Variants in ZFP14 observed in about 807,000 individuals in gnomAD.
ZFP14 encodes ZFP14 zinc finger protein.
Under a neutral mutation model 54.5 loss-of-function variants are expected in ZFP14, and 22 were observed. The ratio of observed to expected loss-of-function variants is 0.40; its 90% confidence interval spans 0.29 to 0.58. The LOEUF is 0.58. ZFP14 is among the 20% of genes least tolerant of loss of function. ZFP14 has a pLI of 0.39. For synonymous variants in ZFP14, 159 were observed against 204.0 expected (o/e 0.78, Z 1.88); for missense variants, 470 against 637.8 (o/e 0.74, Z 2.83).
At chr19:36,375,843 C>T (rs1264333287) in intron 1 of ZFP14, among the ~76,000 whole-genome samples, 1 of 151,952 alleles carries the variant, frequency 6.6e-6, no homozygotes, top group African/African-American at 2.4e-5. Context: ...AGGCGTGAGC[C>T]ACCGCGCCCC....
chr19:36,347,551 A>G (rs560695272), intron 4 of ZFP14, among the ~76,000 whole-genome samples: 1 of 151,634 alleles, frequency 6.6e-6, no homozygotes, highest in African/African-American at 2.4e-5. Context: ...AGAGGTTGCA[A>G]TGAGCCGAGA....
intron 2 of ZFP14, among the ~76,000 whole-genome samples, chr19:36,366,664 G>A (rs1600082737): frequency 6.6e-6 from 1 of 152,104 alleles, no homozygotes. Context: ...TATAGTGTTC[G>A]ACATCAAGAC....
In ZFP14 at chr19:36,377,898, A is replaced by C. The variant is rs141727828; in HGVS notation, c.-80+1265T>G. On this transcript the variant is annotated intron_variant, in intron 1 of 4. Transcript: ENST00000270001. ...ACAAACCTACTGGAAAGGGGTAGGA[A>C]TTGGAATCTACCTTCATCACCCCAT... The C allele has an allele frequency of 2.0e-5, 3 of 152,434 alleles. No homozygotes were observed. In the East Asian group the frequency reaches 5.8e-4, roughly 29 times the overall value. The allele number at this position is 152,434 out of a possible 1,614,324, so 9.4% of individuals were successfully genotyped here. A position where few individuals can be genotyped will look rare whatever the true frequency, so the allele number is the denominator to read the frequency against.
intron 1 of ZFP14, among the ~76,000 whole-genome samples, chr19:36,373,459 T>C (rs1265239322): frequency 6.6e-6 from 1 of 152,014 alleles, no homozygotes; most frequent in Non-Finnish European, 1.5e-5. Flanking sequence ...GAGGAATAAG[T>C]TCAAGAGATC....
chr19:36,376,172 A>G (rs924254966), intron 1 of ZFP14, among the ~76,000 whole-genome samples: 4 of 152,210 alleles, frequency 2.6e-5, no homozygotes, highest in Non-Finnish European at 5.9e-5. Flanking sequence ...AAGATACTAC[A>G]TATAAGGCAC....
chr19:36,365,169 C>G (rs1366183711), intron 2 of ZFP14, among the ~76,000 whole-genome samples: 1 of 151,828 alleles, frequency 6.6e-6, no homozygotes, highest in Non-Finnish European at 1.5e-5. Context: ...CACACGGCCT[C>G]CCATTATGTG....
In ZFP14 at chr19:36,338,795, G is replaced by T. The variant is rs1287854724; in HGVS notation, c.*1429C>A. ...GATATGGCATTTTGAGCATCCAAAAGTATACTGACTTATAGAATGATGTTT... is the reference window on the plus strand; with the variant it reads ...GATATGGCATTTTGAGCATCCAAAATTATACTGACTTATAGAATGATGTTT... On this transcript the variant is annotated 3_prime_UTR_variant, in exon 5 of 5. Transcript: ENST00000270001. 1.3e-5 allele frequency: 2 copies of T among 152,164 alleles called. No homozygotes were observed. The highest frequency in any genetic ancestry group is 4.8e-5 in the African/African-American group (2 of 41,432). The allele number at this position is 152,164 out of a possible 1,614,324, so 9.4% of individuals were successfully genotyped here. A position where few individuals can be genotyped will look rare whatever the true frequency, so the allele number is the denominator to read the frequency against.
intron 1 of ZFP14, among the ~76,000 whole-genome samples, chr19:36,373,378 A>G (rs2031910026): frequency 6.6e-6 from 1 of 151,834 alleles, no homozygotes; most frequent in Non-Finnish European, 1.5e-5. Context: ...AATCTGGGGT[A>G]GTTGGGGGTG....
chr19:36,366,657 A>G (rs563806793), intron 2 of ZFP14, among the ~76,000 whole-genome samples: 1 of 152,270 alleles, frequency 6.6e-6, no homozygotes, highest in South Asian at 2.1e-4. Context: ...ATTACATTAT[A>G]GTGTTCGACA....
At position 36,340,385 on chromosome 19, in the gene ZFP14, C is replaced by G; in HGVS notation, c.1441G>C (p.Glu481Gln). The change falls in exon 5 of 5, where the codon GAA (glutamate) becomes CAA (glutamine). Residue 481 changes from glutamate to glutamine, a missense_variant. Glu to Gln is a conservative substitution (Grantham distance 29). Coordinates refer to ENST00000270001, the MANE Select transcript of ZFP14 (RefSeq NM_020917.3). This position sits in a 1 kb window ranked among gnomAD's most constrained non-coding sequence, Gnocchi z 5.4. ...AAAGCCTTACCACATTCCTTACATT[C>G]ATAAGGTTTCTCACCAGTGTGAATA... ...QSIHTGEKPYECKECGKAFRL... is the reference protein window; with the variant it reads ...QSIHTGEKPYQCKECGKAFRL... 5 of 1,614,014 alleles carry G rather than the reference C, an allele frequency of 3.1e-6. No individual in the cohort carries two copies. The highest frequency in any genetic ancestry group is 4.2e-6 in the Non-Finnish European group (5 of 1,180,018).
At chr19:36,345,286 C>G (rs17639740) in intron 4 of ZFP14, among the ~76,000 whole-genome samples, 53,398 of 152,020 alleles carry the variant, frequency 0.35, 9,559 homozygotes, top group South Asian at 0.43. Flanking sequence ...ACTTTTGTTC[C>G]TTCATATCCT....
At chr19:36,342,021 T>A (rs1411023523) in intron 4 of ZFP14, among the ~76,000 whole-genome samples, 1 of 151,418 alleles carries the variant, frequency 6.6e-6, no homozygotes, top group African/African-American at 2.4e-5. Context: ...CCGGCTAATT[T>A]TTTTTTGTAT....
chr19:36,370,488 C>G (rs2031862591), intron 1 of ZFP14, among the ~76,000 whole-genome samples: 2 of 152,246 alleles, frequency 1.3e-5, no homozygotes, highest in South Asian at 4.1e-4. Flanking sequence ...CCACCACCAT[C>G]AGGCTGACAT....
intron 1 of ZFP14, among the ~76,000 whole-genome samples, chr19:36,371,457 A>T (rs1317787455): frequency 6.6e-6 from 1 of 152,202 alleles, no homozygotes; most frequent in Non-Finnish European, 1.5e-5. Context: ...AATGCAAGAC[A>T]GAACATCAAC....
chr19:36,359,044 A>G (rs1488737946), intron 4 of ZFP14, among the ~76,000 whole-genome samples: 2 of 152,206 alleles, frequency 1.3e-5, no homozygotes, highest in African/African-American at 4.8e-5. Flanking sequence ...AAGGCCCTCA[A>G]TAGACACAGC....
chr19:36,374,247 T>G (rs2031924577), intron 1 of ZFP14, among the ~76,000 whole-genome samples: 1 of 151,938 alleles, frequency 6.6e-6, no homozygotes, highest in Non-Finnish European at 1.5e-5. Context: ...TCCCAGCACT[T>G]TGGGAGGCCA....
rs181343318 is a variant in ZFP14 at position 36,350,997 on chromosome 19, G to A, written c.236-9407C>T. 4.2e-5 allele frequency among the ~76,000 whole-genome samples: 6 copies of A among 143,426 alleles called. 1 individual carries two copies. The East Asian group carries it at 1.2e-3, about 30-fold the overall frequency. 94.1% of individuals were successfully genotyped at this position (143,426 alleles called of 152,430 possible). On this transcript the variant is annotated intron_variant, in intron 4 of 4. Transcript: ENST00000270001. ...AAAGATATTTTCTAATAAAACCTAA[G>A]ATAATTTATTGCCAGTGGACACAAT... is the stretch of plus-strand genomic sequence containing the variant.
chr19:36,375,675 A>G (rs1000119981), intron 1 of ZFP14, among the ~76,000 whole-genome samples: 4 of 150,604 alleles, frequency 2.7e-5, no homozygotes, highest in Admixed American at 6.7e-5. Context: ...CTCCTGCCTC[A>G]GCCTCCCGAG....
intron 4 of ZFP14, among the ~76,000 whole-genome samples, chr19:36,346,695 A>T (rs770934917): frequency 6.6e-6 from 1 of 152,162 alleles, no homozygotes; most frequent in Non-Finnish European, 1.5e-5. Context: ...TGACCTCGTG[A>T]TCCACCTGCC....
Sources: allele counts gnomAD v4.1 joint callset (sites outside exome capture counted in the v4.1 genomes callset), GRCh38; gene constraint gnomAD v4.1.1; non-coding constraint Gnocchi (gnomAD v3.1); transcripts MANE v1.5; gene names NCBI Gene and HGNC (gene_info 2026-07-23, HGNC 2026-07-21).